The following MED27 variants were observed in gnomAD, a reference collection of about 807,000 sequenced individuals.
MED27 encodes mediator complex subunit 27, also known as mediator of RNA polymerase II transcription subunit 27.
MED27 carries 30 observed loss-of-function variants against 38.2 expected under a neutral mutation model. The observed-to-expected ratio is 0.79, with a 90% confidence interval of 0.59 to 1.07. The LOEUF (loss-of-function observed/expected upper bound fraction) is 1.07. Ranked by LOEUF, MED27 falls within the 50% of genes least tolerant of loss-of-function variation. The probability of loss-of-function intolerance (pLI) is 0.00; values close to 1 mark genes in which losing one functional copy is unlikely to be tolerated. For missense variants in MED27, 289 were observed against 397.5 expected (o/e 0.73, Z 2.32); for synonymous variants, 122 against 153.5 (o/e 0.79, Z 1.52).
chr9:132,053,694 T>C (rs1833513801), intron 2 of MED27, among the ~76,000 whole-genome samples: 1 of 152,108 alleles, frequency 6.6e-6, no homozygotes, highest in Non-Finnish European at 1.5e-5. Context: ...TTGGTAACTC[T>C]GGGCCACACT....
chr9:132,075,412 C>T (rs1371529440), intron 2 of MED27, among the ~76,000 whole-genome samples: 13 of 152,156 alleles, frequency 8.5e-5, no homozygotes, highest in African/African-American at 3.1e-4. Context: ...GCTACAACCT[C>T]GACACCTCCT....
intron 5 of MED27, among the ~76,000 whole-genome samples, chr9:131,892,166 A>C (rs529105425): frequency 1.3e-5 from 2 of 152,248 alleles, no homozygotes; most frequent in South Asian, 4.2e-4. Flanking sequence ...AAACTCTGGG[A>C]AACTGGGAAG....
intron 6 of MED27, among the ~76,000 whole-genome samples, chr9:131,865,407 G>C (rs1211754053): frequency 6.6e-6 from 1 of 152,172 alleles, no homozygotes; most frequent in Non-Finnish European, 1.5e-5. Flanking sequence ...GAACTTGAAC[G>C]CTTGGTTCTT....
intron 2 of MED27, among the ~76,000 whole-genome samples, chr9:132,074,988 T>C (rs1254747644): frequency 6.6e-6 from 1 of 152,206 alleles, no homozygotes. Flanking sequence ...CAATGGTTGA[T>C]TAGTGATGTC....
chr9:132,047,395 C>A (rs1360196332), intron 2 of MED27, among the ~76,000 whole-genome samples: 1 of 151,092 alleles, frequency 6.6e-6, no homozygotes, highest in African/African-American at 2.4e-5. Flanking sequence ...CAGTTTAAGG[C>A]CAAACTGCTT....
intron 4 of MED27, among the ~76,000 whole-genome samples, chr9:131,904,542 G>T (rs1019338633): frequency 1.3e-5 from 2 of 149,790 alleles, no homozygotes; most frequent in African/African-American, 4.9e-5. Context: ...TAGAGATCGG[G>T]GGGGAGCGGT....
At chr9:132,070,789 G>C (rs1215360648) in intron 2 of MED27, among the ~76,000 whole-genome samples, 1 of 150,208 alleles carries the variant, frequency 6.7e-6, no homozygotes, top group African/African-American at 2.5e-5. Flanking sequence ...TTTGCCCCTC[G>C]ACTCCCACAC....
At chr9:131,880,111 C>T (rs184319050) in intron 6 of MED27, among the ~76,000 whole-genome samples, 2 of 152,330 alleles carry the variant, frequency 1.3e-5, no homozygotes, top group African/African-American at 4.8e-5. Flanking sequence ...GCACGCCAGT[C>T]ACCGCCCTGG....
intron 2 of MED27, among the ~76,000 whole-genome samples, chr9:132,070,558 A>G (rs1833914483): frequency 6.6e-6 from 1 of 152,202 alleles, no homozygotes; most frequent in African/African-American, 2.4e-5. Context: ...CCCTGTCTCA[A>G]AAAAAGGCTA....
At chr9:131,887,376 G>A (rs1160704094) in intron 5 of MED27, among the ~76,000 whole-genome samples, 1 of 152,134 alleles carries the variant, frequency 6.6e-6, no homozygotes, top group Admixed American at 6.6e-5. Context: ...TGGGACAGAA[G>A]GACCTTAGAT....
intron 2 of MED27, among the ~76,000 whole-genome samples, chr9:132,059,952 C>T (rs1240476833): frequency 6.6e-6 from 1 of 151,962 alleles, no homozygotes; most frequent in Non-Finnish European, 1.5e-5. Context: ...CACAGACATC[C>T]TAGAAGGTAG....
At chr9:131,979,403 A>G (rs535248769) in intron 3 of MED27, among the ~76,000 whole-genome samples, 46 of 151,908 alleles carry the variant, frequency 3.0e-4, no homozygotes, top group African/African-American at 9.4e-4. Flanking sequence ...TATTAGGAGC[A>G]TATGATAGAT....
At chr9:131,925,319 A>T (rs1285820375) in intron 4 of MED27, among the ~76,000 whole-genome samples, 1 of 152,212 alleles carries the variant, frequency 6.6e-6, no homozygotes, top group Non-Finnish European at 1.5e-5. Flanking sequence ...CAGGCATGCA[A>T]TGCATAATAA....
rs1460994098 is a variant in MED27, at chr9:131,863,056, C to G, written c.801+7G>C. 6.2e-7 allele frequency: 1 copy of G among 1,613,730 alleles called. No individual in the cohort carries two copies. The highest frequency in any genetic ancestry group is 8.5e-7 in the Non-Finnish European group (1 of 1,179,766). ...AAACAGGAGACCTGACTCTTGAAGC[C>G]ACTTACCATGAAGGATCGGACCACG... On this transcript the variant is annotated splice_region_variant and intron_variant, in intron 7 of 7. Coordinates refer to ENST00000292035, the MANE Select transcript of MED27 (RefSeq NM_004269.4).
At chr9:131,928,522 C>T (rs981651031) in intron 4 of MED27, among the ~76,000 whole-genome samples, 1 of 152,216 alleles carries the variant, frequency 6.6e-6, no homozygotes, top group Admixed American at 6.5e-5. Context: ...CCAGCAGCTG[C>T]TAAATGGCCT....
intron 4 of MED27, among the ~76,000 whole-genome samples, chr9:131,924,444 T>A (rs1299528059): frequency 6.6e-6 from 1 of 152,198 alleles, no homozygotes; most frequent in Non-Finnish European, 1.5e-5. Flanking sequence ...TACCCTATAT[T>A]TTTATGATTT....
intron 4 of MED27, among the ~76,000 whole-genome samples, chr9:131,909,572 C>T (rs1312242454): frequency 2.6e-5 from 4 of 152,268 alleles, no homozygotes; most frequent in Non-Finnish European, 5.9e-5. Flanking sequence ...GCCACAGCAG[C>T]ACTGGCTTTT....
intron 6 of MED27, among the ~76,000 whole-genome samples, chr9:131,868,121 G>A (rs945638386): frequency 9.2e-5 from 14 of 152,164 alleles, no homozygotes; most frequent in Non-Finnish European, 1.9e-4. Context: ...TTGTGGAGTG[G>A]GGGTTTTTCC....
intron 3 of MED27, among the ~76,000 whole-genome samples, chr9:132,004,853 C>A (rs913693208): frequency 1.3e-5 from 2 of 152,156 alleles, no homozygotes; most frequent in African/African-American, 4.8e-5. Flanking sequence ...AGGAACGAGC[C>A]TTCAGGACTC....
Sources: allele counts gnomAD v4.1 joint callset (sites outside exome capture counted in the v4.1 genomes callset), GRCh38; gene constraint gnomAD v4.1.1; transcripts MANE v1.5; gene names NCBI Gene and HGNC (gene_info 2026-07-23, HGNC 2026-07-21).